Variants in NFATC1 observed in about 807,000 individuals in gnomAD.
The protein encoded by NFATC1 is nuclear factor of activated T cells 1.
In NFATC1, 22 loss-of-function variants were observed where a neutral mutation model predicts 76.0. The observed-to-expected ratio is 0.29, with a 90% CI of 0.21 to 0.41. The LOEUF is 0.41. Among genes scored for constraint, NFATC1 ranks in the 10% least tolerant of loss-of-function variants. The pLI, the probability that NFATC1 is intolerant of heterozygous loss-of-function variation, is 1.00. For synonymous variants in NFATC1, 704 were observed against 613.1 expected, an observed-to-expected ratio of 1.15 and a Z score of -2.19; for missense variants, 1,357 against 1,337.7, an observed-to-expected ratio of 1.01 and a Z score of -0.23.
Position 79,396,094 on chromosome 18 carries a change from T to A in NFATC1, c.-131T>A. 8.9e-7 allele frequency: 1 copy of A among 1,129,534 alleles called. No individual in the cohort carries two copies. The highest frequency in any genetic ancestry group is 1.1e-6 in the Non-Finnish European group (1 of 907,452). The allele number at this position is 1,129,534 out of a possible 1,614,324, so 70.0% of individuals were successfully genotyped here. A position where few individuals can be genotyped will look rare whatever the true frequency, so the allele number is the denominator to read the frequency against. ...ACGCGCGCACACGCCCCTCGATGACTTTCCTCCGGGGCGCGCGGCGCTGAG... is the reference window on the plus strand; with the variant it reads ...ACGCGCGCACACGCCCCTCGATGACATTCCTCCGGGGCGCGCGGCGCTGAG... On this transcript the variant is annotated 5_prime_UTR_variant, in exon 1 of 10. Coordinates refer to ENST00000427363, the MANE Select transcript of NFATC1 (RefSeq NM_001278669.2).
Position 79,411,469 on chromosome 18 carries a change from G to A in NFATC1, c.1194G>A (p.Lys398=), listed in dbSNP as rs199859549. The A allele has an allele frequency of 4.7e-6, 7 of 1,474,242 alleles. No homozygotes were observed. The highest frequency in any genetic ancestry group is 5.4e-6 in the Non-Finnish European group (6 of 1,118,344). 91.3% of individuals were successfully genotyped at this position (1,474,242 alleles called of 1,614,324 possible). Residue 398 remains lysine (K), a synonymous_variant, in exon 2 of 10, where the codon AAG becomes AAA. Coordinates refer to ENST00000427363, the MANE Select transcript of NFATC1 (RefSeq NM_001278669.2). The stretch of plus-strand genomic sequence containing the variant: ...CGCAGCACCCCTACCAGTGGGCGAA[G>A]CCCAAGCCCCTGTCCCCTACGTCCT... ...AVPQHPYQWA[K]PKPLSPTSYM... is the part of the protein sequence containing the mutation.
chr18:79,513,800 C>A (rs971545861), intron 9 of NFATC1, among the ~76,000 whole-genome samples: 3 of 152,190 alleles, frequency 2.0e-5, no homozygotes, highest in African/African-American at 7.2e-5. Flanking sequence ...GGACACTCAC[C>A]ATGAGGGGAG....
At chr18:79,497,331 G>C (rs1195990467) in intron 9 of NFATC1, 1 of 151,998 alleles carries the variant, frequency 6.6e-6, no homozygotes, top group Non-Finnish European at 1.5e-5. Flanking sequence ...AGCGGCCCCA[G>C]GGGGAAGAAC....
chr18:79,527,370 ACT>A, intron 9 of NFATC1, 156 bp from the exon 10 acceptor site: 1 of 619,348 alleles, frequency 1.6e-6, no homozygotes, highest in Non-Finnish European at 2.8e-6. Context: ...GGCTCACGAC[ACT>A]CATGGACCAG....
chr18:79,401,956 C>T (rs930001615), intron 1 of NFATC1, among the ~76,000 whole-genome samples: 7 of 152,216 alleles, frequency 4.6e-5, no homozygotes, highest in African/African-American at 1.7e-4. Flanking sequence ...GATTTCACTG[C>T]TTTGCCTCCT....
intron 2 of NFATC1, among the ~76,000 whole-genome samples, chr18:79,427,678 G>GC (rs2086420539): frequency 8.8e-6 from 1 of 113,852 alleles, no homozygotes; most frequent in African/African-American, 3.6e-5. Flanking sequence ...TGGTGTGGGG[G>GC]CTGGATGGCT....
At chr18:79,469,827 C>CA (rs1483606996) in intron 8 of NFATC1, 41 of 985,476 alleles carry the variant, frequency 4.2e-5, no homozygotes, top group Non-Finnish European at 4.6e-5. Context: ...CACCAGCCCC[C>CA]AGGGGCTCCC....
At chr18:79,404,868 T>A (rs2085381514) in intron 1 of NFATC1, among the ~76,000 whole-genome samples, 1 of 152,214 alleles carries the variant, frequency 6.6e-6, no homozygotes, top group East Asian at 1.9e-4. Context: ...TAGAATGCTG[T>A]GCACCTGTAG....
intron 9 of NFATC1, among the ~76,000 whole-genome samples, chr18:79,508,623 CTCTGTCTCTGTCTCTCGG>C (rs2090172196): frequency 6.6e-6 from 1 of 152,104 alleles, no homozygotes. Context: ...CTATCCCTCT[CTCTGTCTCTGTCTCTCGG>C]TCTGTCTCTT....
At chr18:79,405,503 G>A (rs533367403) in intron 1 of NFATC1, among the ~76,000 whole-genome samples, 4 of 152,328 alleles carry the variant, frequency 2.6e-5, no homozygotes, top group African/African-American at 7.2e-5. Context: ...CGGTTTAGGT[G>A]GGTCATGAAA....
chr18:79,524,047 C>T lies in NFATC1; in HGVS notation c.2783-3481C>T, dbSNP rs1394367167. 1 of 152,120 alleles carries T rather than the reference C, an allele frequency of 6.6e-6. No homozygotes were observed. Among genetic ancestry groups the T allele is most frequent in the Non-Finnish European group, 1.5e-5 (1 of 68,042 alleles). The allele number at this position is 152,120 out of a possible 1,614,324, so 9.4% of individuals were successfully genotyped here. On this transcript the variant is annotated intron_variant, in intron 9 of 9. Transcript: ENST00000427363. This position sits in a 1 kb window ranked among gnomAD's most constrained non-coding sequence, Gnocchi z 7.2. ...AGCAGAGAGAGCTGGTATGGGAAAC[C>T]GTAGGTGTCATCGGCAACCATACCC...
At chr18:79,444,751 C>CCACAGACCA (rs1555908087) in intron 3 of NFATC1, among the ~76,000 whole-genome samples, 1 of 139,542 alleles carries the variant, frequency 7.2e-6, no homozygotes, top group Admixed American at 6.8e-5. Context: ...GTGCCCGACC[C>CCACAGACCA]CACAGACCAC....
chr18:79,458,126 C>T (rs192176970), intron 6 of NFATC1, among the ~76,000 whole-genome samples: 1 of 152,300 alleles, frequency 6.6e-6, no homozygotes, highest in East Asian at 1.9e-4. Flanking sequence ...AGGGTGGCTC[C>T]GTGTGAGGCC....
intron 7 of NFATC1, among the ~76,000 whole-genome samples, chr18:79,463,490 G>C (rs1428889520): frequency 1.3e-5 from 2 of 150,620 alleles, no homozygotes; most frequent in Admixed American, 6.6e-5. Context: ...CCGTTCCCGT[G>C]TCCATACCGG....
chr18:79,424,390 TGGTCTTG>T (rs2086206389), intron 2 of NFATC1, among the ~76,000 whole-genome samples: 1 of 152,226 alleles, frequency 6.6e-6, no homozygotes, highest in Non-Finnish European at 1.5e-5. Flanking sequence ...GGCCACTGTG[TGGTCTTG>T]GGGCAGCTCC....
Position 79,430,726 on chromosome 18 carries a change from A to AAGATAGGTGCAAGGTGCCTGAGACGGGC in NFATC1, c.1227-2851_1227-2824dup, listed in dbSNP as rs879326698. 4.4e-3 allele frequency among the ~76,000 whole-genome samples: 667 copies of AAGATAGGTGCAAGGTGCCTGAGACGGGC among 152,306 alleles called. 3 individuals carry two copies. Among genetic ancestry groups the AAGATAGGTGCAAGGTGCCTGAGACGGGC allele is most frequent in the Admixed American group, 9.1e-3 (139 of 15,302 alleles). ...TTGTTTCTTTTTCAATTCATAGCAA[A>AAGATAGGTGCAAGGTGCCTGAGACGGGC]AGATAGGTGCAAGGTGCCTGAGACG... On this transcript the variant is annotated intron_variant, in intron 2 of 9. Transcript: ENST00000427363.
chr18:79,527,726 T>C lies in NFATC1; in HGVS notation c.*149T>C. ...AGCTGAACATTAATATGTGCAAAGA[T>C]TGGCTCTCCAACAAGAAGGAAAGCA... is the stretch of plus-strand genomic sequence containing the variant. On this transcript the variant is annotated 3_prime_UTR_variant, in exon 10 of 10. Coordinates refer to ENST00000427363, the MANE Select transcript of NFATC1 (RefSeq NM_001278669.2). 3 of 696,844 alleles carry C rather than the reference T, an allele frequency of 4.3e-6. No individual in the cohort carries two copies. The highest frequency in any genetic ancestry group is 2.6e-5 in the Admixed American group (1 of 39,028). 43.2% of individuals were successfully genotyped at this position (696,844 alleles called of 1,614,324 possible). A position where few individuals can be genotyped will look rare whatever the true frequency, so the allele number is the denominator to read the frequency against.
At chr18:79,502,991 T>C (rs2090045698) in intron 9 of NFATC1, among the ~76,000 whole-genome samples, 1 of 152,232 alleles carries the variant, frequency 6.6e-6, no homozygotes, top group South Asian at 2.1e-4. Context: ...AGGAAACAGA[T>C]GCACACATCC....
At chr18:79,507,439 TGACG>T (rs1046740931) in intron 9 of NFATC1, among the ~76,000 whole-genome samples, 4 of 152,232 alleles carry the variant, frequency 2.6e-5, no homozygotes, top group Admixed American at 6.5e-5. Flanking sequence ...GACATGGGGC[TGACG>T]GTGTGCAGCG....
Sources: allele counts gnomAD v4.1 joint callset (sites outside exome capture counted in the v4.1 genomes callset), GRCh38; gene constraint gnomAD v4.1.1; non-coding constraint Gnocchi (gnomAD v3.1); transcripts MANE v1.5; gene names NCBI Gene and HGNC (gene_info 2026-07-23, HGNC 2026-07-21).